Variants in MICU1 observed in about 807,000 individuals in gnomAD.
The protein encoded by MICU1 is calcium uptake protein 1, mitochondrial.
MICU1 carries 45 observed loss-of-function variants against 56.8 expected under a neutral mutation model. The ratio of observed to expected loss-of-function variants is 0.79; its 90% confidence interval spans 0.62 to 1.02. MICU1 has a LOEUF of 1.02. Ranked by LOEUF, MICU1 falls within the 50% of genes least tolerant of loss-of-function variation. The pLI is 0.00. For missense variants in MICU1, 504 were observed against 587.1 expected (o/e 0.86, Z 1.46); for synonymous variants, 186 against 195.1 (o/e 0.95, Z 0.39).
intron 9 of MICU1, among the ~76,000 whole-genome samples, chr10:72,416,499 A>G (rs1323566242): frequency 2.0e-5 from 3 of 152,184 alleles, no homozygotes; most frequent in Non-Finnish European, 4.4e-5. Context: ...ATAAGTGAAA[A>G]AGGAGAGCTC....
intron 5 of MICU1, among the ~76,000 whole-genome samples, chr10:72,533,358 T>G (rs1839542740): frequency 6.6e-6 from 1 of 152,240 alleles, no homozygotes; most frequent in Non-Finnish European, 1.5e-5. Context: ...TTTGTAATTT[T>G]CTAGTTAAGA....
intron 6 of MICU1, chr10:72,483,185 A>G (rs1358113124): frequency 6.6e-6 from 1 of 152,278 alleles, no homozygotes; most frequent in East Asian, 1.9e-4. Context: ...ATAAAACAGA[A>G]AAAGGGCAAT....
chr10:72,422,474 T>A (rs1864207047), intron 9 of MICU1, among the ~76,000 whole-genome samples: 1 of 152,206 alleles, frequency 6.6e-6, no homozygotes, highest in African/African-American at 2.4e-5. Context: ...CAGAGCCTCC[T>A]CTTCCACCTC....
chr10:72,435,886 G>A (rs537438667), intron 8 of MICU1, among the ~76,000 whole-genome samples: 61 of 152,320 alleles, frequency 4.0e-4, no homozygotes, highest in Non-Finnish European at 6.8e-4. Flanking sequence ...AAGCGGTCGG[G>A]AAGCTTGAAC....
intron 8 of MICU1, among the ~76,000 whole-genome samples, chr10:72,474,557 G>A (rs80141089): frequency 0.042 from 6,321 of 152,242 alleles, 376 homozygotes; most frequent in East Asian, 0.15. Context: ...GGATCTCACC[G>A]TGTTGCCCAG....
At chr10:72,519,043 T>C (rs1867742312) in intron 5 of MICU1, among the ~76,000 whole-genome samples, 1 of 152,234 alleles carries the variant, frequency 6.6e-6, no homozygotes, top group African/African-American at 2.4e-5. Flanking sequence ...TATGTTGTTT[T>C]ATGTGGCTTA....
At chr10:72,397,511 C>T (rs978924465) in intron 10 of MICU1, among the ~76,000 whole-genome samples, 8 of 152,160 alleles carry the variant, frequency 5.3e-5, no homozygotes, top group Non-Finnish European at 1.2e-4. Flanking sequence ...AATCAAGATG[C>T]ATCAGTGTGC....
chr10:72,395,500 A>C (rs1589167579), intron 10 of MICU1, among the ~76,000 whole-genome samples: 1 of 152,188 alleles, frequency 6.6e-6, no homozygotes, highest in Admixed American at 6.5e-5. Flanking sequence ...TGGGAAGCAC[A>C]AGGGGTCAGG....
At chr10:72,606,441 A>T (rs1841693741) in intron 1 of MICU1, among the ~76,000 whole-genome samples, 1 of 152,004 alleles carries the variant, frequency 6.6e-6, no homozygotes, top group South Asian at 2.1e-4. Context: ...TGAACCCAGG[A>T]GGCAGAGGTT....
intron 4 of MICU1, among the ~76,000 whole-genome samples, chr10:72,546,499 C>G (rs1839896684): frequency 6.6e-6 from 1 of 152,182 alleles, no homozygotes; most frequent in African/African-American, 2.4e-5. Flanking sequence ...CTTTTTCTGT[C>G]CATAAATCTT....
At chr10:72,423,853 A>G (rs1213196751) in intron 8 of MICU1, among the ~76,000 whole-genome samples, 1 of 152,216 alleles carries the variant, frequency 6.6e-6, no homozygotes. Context: ...ATAATTTTAA[A>G]GAAGAGTAAT....
intron 10 of MICU1, among the ~76,000 whole-genome samples, chr10:72,385,666 T>C (rs529932057): frequency 6.6e-6 from 1 of 152,370 alleles, no homozygotes; most frequent in East Asian, 1.9e-4. Context: ...AGCAGAATTC[T>C]GACGTGCCCC....
chr10:72,462,022 T>C (rs1865653317), intron 8 of MICU1, among the ~76,000 whole-genome samples: 1 of 152,150 alleles, frequency 6.6e-6, no homozygotes, highest in Non-Finnish European at 1.5e-5. Flanking sequence ...TCCACCTTTA[T>C]CATGTGTGAG....
intron 6 of MICU1, among the ~76,000 whole-genome samples, chr10:72,491,427 A>G (rs937042667): frequency 6.6e-6 from 1 of 152,212 alleles, no homozygotes; most frequent in Non-Finnish European, 1.5e-5. Context: ...CTTTTCTTAA[A>G]AGGAGGCACT....
intron 10 of MICU1, among the ~76,000 whole-genome samples, chr10:72,396,865 G>A (rs1177089338): frequency 6.6e-6 from 1 of 152,132 alleles, no homozygotes; most frequent in Non-Finnish European, 1.5e-5. Context: ...CACTCTTCAG[G>A]ATATTATCCA....
chr10:72,527,921 G>A (rs938666560), intron 5 of MICU1, among the ~76,000 whole-genome samples: 7 of 152,110 alleles, frequency 4.6e-5, no homozygotes, highest in Non-Finnish European at 7.4e-5. Flanking sequence ...CCGCCTCTCA[G>A]GTTCAAGCTA....
At chr10:72,535,341 A>AT (rs1373264510) in intron 4 of MICU1, among the ~76,000 whole-genome samples, 1 of 151,980 alleles carries the variant, frequency 6.6e-6, no homozygotes, top group East Asian at 1.9e-4. Flanking sequence ...ATCCAGCCCT[A>AT]TTTTTTAATG....
chr10:72,471,376 G>T (rs892640831), intron 8 of MICU1, among the ~76,000 whole-genome samples: 2 of 152,154 alleles, frequency 1.3e-5, no homozygotes, highest in Non-Finnish European at 2.9e-5. Context: ...GAGCCACCAT[G>T]CCCGGCCTTC....
intron 10 of MICU1, among the ~76,000 whole-genome samples, chr10:72,390,599 T>C (rs920138820): frequency 6.6e-6 from 1 of 152,204 alleles, no homozygotes; most frequent in Admixed American, 6.5e-5. Flanking sequence ...GACTGGTTTG[T>C]AACCTCTAAA....
Sources: allele counts gnomAD v4.1 joint callset (sites outside exome capture counted in the v4.1 genomes callset), GRCh38; gene constraint gnomAD v4.1.1; transcripts MANE v1.5; gene names NCBI Gene and HGNC (gene_info 2026-07-23, HGNC 2026-07-21).